Variants in C1orf141 observed in about 807,000 individuals in gnomAD.
C1orf141 encodes the protein chromosome 1 open reading frame 141, also known as uncharacterized protein C1orf141.
In C1orf141, 19 loss-of-function variants were observed where a neutral mutation model predicts 23.2. The observed-to-expected ratio is 0.82, with a 90% CI of 0.57 to 1.20. The LOEUF is 1.20. Among genes scored for constraint, C1orf141 ranks in the 50% most tolerant of loss-of-function variants. C1orf141 has a pLI of 0.00. For missense variants in C1orf141, 469 were observed against 455.1 expected (o/e 1.03, Z -0.28); for synonymous variants, 153 against 154.6 (o/e 0.99, Z 0.08).
intron 1 of C1orf141, among the ~76,000 whole-genome samples, chr1:67,132,569 G>A (rs974543793): frequency 6.6e-6 from 1 of 152,036 alleles, no homozygotes; most frequent in African/African-American, 2.4e-5. Context: ...TCCTTACTGG[G>A]TTGAAAGCTC....
chr1:67,136,476 A>T (rs1646586098), upstream of C1orf141, among the ~76,000 whole-genome samples: 1 of 152,352 alleles, frequency 6.6e-6, no homozygotes, highest in Admixed American at 6.5e-5. Flanking sequence ...CAGCTCAAAA[A>T]TTTGTACAGA....
At chr1:67,096,722 C>A (rs1570675573) in intron 5 of C1orf141, among the ~76,000 whole-genome samples, 1 of 152,318 alleles carries the variant, frequency 6.6e-6, no homozygotes, top group South Asian at 2.1e-4. Flanking sequence ...TAAGCATCAT[C>A]CAAGGTTGAT....
chr1:67,109,088 G>A (rs142090263), intron 5 of C1orf141, among the ~76,000 whole-genome samples: 16,398 of 152,012 alleles, frequency 0.11, 971 homozygotes, highest in African/African-American at 0.15. Flanking sequence ...AGCACTTTGT[G>A]AGGCCGAGGC....
chr1:67,138,643 A>G (rs1646605964), upstream of C1orf141, among the ~76,000 whole-genome samples: 1 of 152,128 alleles, frequency 6.6e-6, no homozygotes, highest in Non-Finnish European at 1.5e-5. Flanking sequence ...AGCCCATTCT[A>G]TGTTGAACTG....
intron 7 of C1orf141, chr1:67,095,008 G>A (rs183815959): frequency 2.3e-5 from 10 of 434,126 alleles, no homozygotes; most frequent in South Asian, 5.5e-5. Flanking sequence ...TTTGATAAAG[G>A]CTTCTTCATA....
intron 5 of C1orf141, among the ~76,000 whole-genome samples, chr1:67,105,651 A>T (rs1196013907): frequency 6.6e-6 from 1 of 151,998 alleles, no homozygotes; most frequent in Non-Finnish European, 1.5e-5. Flanking sequence ...ACACAGACAC[A>T]CACACAGACA....
At chr1:67,137,916 G>T (rs966520904), upstream of C1orf141, among the ~76,000 whole-genome samples, 1 of 152,174 alleles carries the variant, frequency 6.6e-6, no homozygotes, top group Non-Finnish European at 1.5e-5. Flanking sequence ...TGAGAAAAGA[G>T]CATTTTTTTT....
chr1:67,135,626 T>C (rs1332116770), upstream of C1orf141, among the ~76,000 whole-genome samples: 1 of 152,106 alleles, frequency 6.6e-6, no homozygotes, highest in East Asian at 1.9e-4. Flanking sequence ...GAGCAGAAAA[T>C]GCACTAAGGC....
At chr1:67,102,471 G>T (rs138019370) in intron 5 of C1orf141, among the ~76,000 whole-genome samples, 130 of 152,104 alleles carry the variant, frequency 8.5e-4, no homozygotes, top group African/African-American at 3.0e-3. Flanking sequence ...AAACATACGG[G>T]GGAGTTGGCG....
chr1:67,106,412 T>G (rs1340145584), intron 5 of C1orf141, among the ~76,000 whole-genome samples: 1 of 152,108 alleles, frequency 6.6e-6, no homozygotes, highest in Non-Finnish European at 1.5e-5. Context: ...TTTAAGAGGC[T>G]GAGGCGGGTG....
Position 67,093,041 on chromosome 1 carries a change from C to T in C1orf141, c.1167G>A (p.Leu389=), listed in dbSNP as rs1318424883. The change falls in exon 8 of 8, where the codon TTG becomes TTA. Residue 389 remains leucine, a synonymous_variant. Transcript: ENST00000684719. ...TTAAAATTTCATTTGATAAGTTTAA[C>T]AAATTATCCAGTGGCGTTACATTAT... ...ELNNVTPLDN[L]LNLSNEILNA... The T allele has an allele frequency of 1.9e-6, 3 of 1,589,658 alleles. No homozygotes were observed. The highest frequency in any genetic ancestry group is 2.6e-6 in the Non-Finnish European group (3 of 1,161,954).
At chr1:67,103,241 T>C in intron 5 of C1orf141, 1 of 1,411,274 alleles carries the variant, frequency 7.1e-7, no homozygotes, top group South Asian at 1.6e-5. Flanking sequence ...TGTATACCTG[T>C]AAATAAAGTA....
chr1:67,140,532 C>T lies in C1orf141; in HGVS notation c.-103-9305G>A, dbSNP rs182004842. ...TATAATCTTTTTCTTATCATCTTGG[C>T]AAGCTGGGGAAAGGAACAGAGAAAG... On this transcript the variant is annotated intron_variant, in intron 1 of 7. Transcript: ENST00000371007. Among the ~76,000 whole-genome samples, 15 of 152,204 alleles carry T rather than the reference C, an allele frequency of 9.9e-5. No homozygotes were observed. The East Asian group carries it at 2.5e-3, about 25-fold the overall frequency.
At chr1:67,102,026 T>G (rs1243252078) in intron 5 of C1orf141, among the ~76,000 whole-genome samples, 1 of 152,126 alleles carries the variant, frequency 6.6e-6, no homozygotes, top group East Asian at 1.9e-4. Context: ...AACCGCGTCC[T>G]TCAAAGAAGG....
intron 5 of C1orf141, among the ~76,000 whole-genome samples, chr1:67,098,815 T>A (rs948055331): frequency 1.2e-4 from 18 of 151,990 alleles, no homozygotes; most frequent in Non-Finnish European, 1.9e-4. Context: ...AAAAACAGAC[T>A]AAGGTAAAAA....
At chr1:67,138,905 C>T (rs1646608046), upstream of C1orf141, 1 of 152,354 alleles carries the variant, frequency 6.6e-6, no homozygotes, top group African/African-American at 2.4e-5. Flanking sequence ...AAGCAGGTGA[C>T]TAATGGGAGG....
chr1:67,098,939 C>T (rs1010048639), intron 5 of C1orf141, among the ~76,000 whole-genome samples: 3 of 151,900 alleles, frequency 2.0e-5, no homozygotes, highest in Non-Finnish European at 4.4e-5. Flanking sequence ...GAGGGATTTG[C>T]CAAGAATGCA....
At position 67,125,255 on chromosome 1, in the gene C1orf141, A is replaced by G. The variant is rs1187432555; in HGVS notation, c.233+497T>C. On this transcript the variant is annotated intron_variant, in intron 4 of 7. Coordinates refer to ENST00000684719, the MANE Select transcript of C1orf141 (RefSeq NM_001276351.2). ...TGTAATTACCATCTACACTAGTAAA[A>G]TATTATACATAATAAATATTTTATA... is the stretch of plus-strand genomic sequence containing the variant. 2.0e-5 allele frequency among the ~76,000 whole-genome samples: 3 copies of G among 152,324 alleles called. No homozygotes were observed. In the East Asian group the frequency reaches 5.8e-4, roughly 29 times the overall value.
intron 4 of C1orf141, among the ~76,000 whole-genome samples, chr1:67,116,209 C>T (rs1272624290): frequency 6.6e-6 from 1 of 152,192 alleles, no homozygotes; most frequent in Non-Finnish European, 1.5e-5. Flanking sequence ...CCACCATCCC[C>T]TTCCTGATCT....
Sources: gnomAD v4.1 joint callset for allele counts (sites outside exome capture counted in the v4.1 genomes callset) on GRCh38, gnomAD v4.1.1 for gene constraint, MANE v1.5 for transcripts, NCBI Gene and HGNC (gene_info 2026-07-23, HGNC 2026-07-21) for gene names.